The following SLC45A4 variants were observed in gnomAD, a reference collection of about 807,000 sequenced individuals.
SLC45A4 encodes the protein polyamine-transporter SLC45A4.
SLC45A4 carries 32 observed loss-of-function variants against 63.7 expected under a neutral mutation model. The ratio of observed to expected loss-of-function variants is 0.50; its 90% confidence interval spans 0.38 to 0.67. The LOEUF (loss-of-function observed/expected upper bound fraction) is 0.67. Among genes scored for constraint, SLC45A4 ranks in the 30% least tolerant of loss-of-function variants. The pLI, the probability that SLC45A4 is intolerant of heterozygous loss-of-function variation, is 0.00. For missense variants in SLC45A4, 1,027 were observed against 1,157.7 expected (o/e 0.89, Z 1.64); for synonymous variants, 535 against 510.0 (o/e 1.05, Z -0.66).
intron 2 of SLC45A4, among the ~76,000 whole-genome samples, chr8:141,223,404 T>C (rs1346611061): frequency 1.3e-5 from 2 of 152,180 alleles, no homozygotes; most frequent in Non-Finnish European, 2.9e-5. Flanking sequence ...GGAAGCCTAT[T>C]TCTCAGAAAA....
intron 1 of SLC45A4, among the ~76,000 whole-genome samples, chr8:141,305,992 G>A (rs894415375): frequency 2.6e-5 from 4 of 152,144 alleles, no homozygotes; most frequent in South Asian, 2.1e-4. Flanking sequence ...GGCAGAATCC[G>A]GTTTACAGGC....
chr8:141,277,061 G>A (rs1029545195), intron 1 of SLC45A4, among the ~76,000 whole-genome samples: 5 of 152,236 alleles, frequency 3.3e-5, no homozygotes, highest in Admixed American at 6.5e-5. Context: ...GGACACCTGC[G>A]AGCCAGGCTC....
chr8:141,265,459 A>G (rs1305818410), intron 1 of SLC45A4, among the ~76,000 whole-genome samples: 1 of 152,210 alleles, frequency 6.6e-6, no homozygotes, highest in African/African-American at 2.4e-5. Context: ...ATACCATAAA[A>G]CCAGTCCAAC....
intron 1 of SLC45A4, among the ~76,000 whole-genome samples, chr8:141,274,811 T>A (rs570266101): frequency 1.3e-5 from 2 of 152,208 alleles, no homozygotes; most frequent in African/African-American, 2.4e-5. Flanking sequence ...GGTGACACTT[T>A]TAACAGTACC....
At chr8:141,277,318 G>A (rs1329316886) in intron 1 of SLC45A4, among the ~76,000 whole-genome samples, 1 of 152,234 alleles carries the variant, frequency 6.6e-6, no homozygotes, top group Non-Finnish European at 1.5e-5. Flanking sequence ...ACCAGTTTCA[G>A]AAATGTCAAC....
intron 2 of SLC45A4, among the ~76,000 whole-genome samples, chr8:141,244,161 A>G (rs865883933): frequency 6.6e-6 from 1 of 152,094 alleles, no homozygotes; most frequent in African/African-American, 2.4e-5. Context: ...AGGTCACAGG[A>G]GGTTCTGTCT....
At chr8:141,263,831 T>G (rs1829148083) in intron 1 of SLC45A4, among the ~76,000 whole-genome samples, 1 of 147,182 alleles carries the variant, frequency 6.8e-6, no homozygotes, top group East Asian at 2.0e-4. Context: ...AGAAAATAAA[T>G]AAATTAATTA....
At chr8:141,280,308 G>A (rs1002227093) in intron 1 of SLC45A4, among the ~76,000 whole-genome samples, 9 of 152,146 alleles carry the variant, frequency 5.9e-5, no homozygotes, top group Non-Finnish European at 8.8e-5. Flanking sequence ...ATGGCCAGGC[G>A]CCTGGCAACA....
chr8:141,228,853 T>A (rs978185196), intron 2 of SLC45A4, among the ~76,000 whole-genome samples: 2 of 152,172 alleles, frequency 1.3e-5, no homozygotes, highest in African/African-American at 4.8e-5. Flanking sequence ...CATCTCTGGA[T>A]GTGCCGCTTC....
chr8:141,217,908 C>A, intron 5 of SLC45A4, 103 bp downstream of exon 5: 1 of 1,367,928 alleles, frequency 7.3e-7, no homozygotes, highest in South Asian at 1.4e-5. Flanking sequence ...CTCCCTGACA[C>A]GCGTGGGCAC....
At chr8:141,276,901 A>G (rs963508313) in intron 1 of SLC45A4, among the ~76,000 whole-genome samples, 3 of 152,096 alleles carry the variant, frequency 2.0e-5, no homozygotes, top group Admixed American at 1.3e-4. Flanking sequence ...TGAAGATATC[A>G]CGGGCACCTT....
chr8:141,303,304 G>GTTTTT (rs375645569), intron 1 of SLC45A4, among the ~76,000 whole-genome samples: 2 of 124,664 alleles, frequency 1.6e-5, no homozygotes, highest in Admixed American at 8.4e-5. Flanking sequence ...GCTAATTTTT[G>GTTTTT]TTTTTTTTTT....
intron 1 of SLC45A4, among the ~76,000 whole-genome samples, chr8:141,272,640 CGG>C (rs1829584815): frequency 6.6e-6 from 1 of 152,202 alleles, no homozygotes; most frequent in Non-Finnish European, 1.5e-5. Context: ...CCTTGCCACA[CGG>C]CACCTGCAAG....
chr8:141,240,567 GCT>G (rs1289661935), intron 2 of SLC45A4, among the ~76,000 whole-genome samples: 1 of 152,168 alleles, frequency 6.6e-6, no homozygotes, highest in African/African-American at 2.4e-5. Flanking sequence ...TCCACAACAC[GCT>G]TTTAAAAAGT....
chr8:141,262,609 A>G (rs1167435837), intron 1 of SLC45A4, among the ~76,000 whole-genome samples: 1 of 150,638 alleles, frequency 6.6e-6, no homozygotes, highest in Non-Finnish European at 1.5e-5. Context: ...AAAACACATG[A>G]AAAAATGCTC....
At chr8:141,282,709 T>G (rs1829999450) in intron 1 of SLC45A4, among the ~76,000 whole-genome samples, 2 of 152,232 alleles carry the variant, frequency 1.3e-5, no homozygotes, top group Admixed American at 6.5e-5. Context: ...GTCAACCATC[T>G]TTCCCGGGGC....
At chr8:141,269,153 T>C (rs1486766905) in intron 1 of SLC45A4, among the ~76,000 whole-genome samples, 1 of 152,240 alleles carries the variant, frequency 6.6e-6, no homozygotes, top group African/African-American at 2.4e-5. Flanking sequence ...AGCTCCAGGC[T>C]GCGCTGTCAC....
chr8:141,211,355 G>T lies in SLC45A4; in HGVS notation c.*217C>A. On this transcript the variant is annotated 3_prime_UTR_variant, in exon 9 of 9. Transcript: ENST00000517878. ...GGCGCAGACACACTCACACGCGCAC[G>T]CAGGAGCTCGTCTGGAGCTCACGCT... 1.4e-6 allele frequency: 2 copies of T among 1,423,324 alleles called. No individual in the cohort carries two copies. The highest frequency in any genetic ancestry group is 1.5e-5 in the South Asian group (1 of 66,556). 88.2% of individuals were successfully genotyped at this position (1,423,324 alleles called of 1,614,324 possible).
rs1296409053 is a variant in SLC45A4 at position 141,209,584 on chromosome 8, G to A, written c.*1988C>T. The A allele has an allele frequency of 6.6e-6, 1 of 152,276 alleles. No individual in the cohort carries two copies. The highest frequency in any genetic ancestry group is 6.5e-5 in the Admixed American group (1 of 15,292). 9.4% of individuals were successfully genotyped at this position (152,276 alleles called of 1,614,324 possible). On this transcript the variant is annotated 3_prime_UTR_variant, in exon 9 of 9. Transcript: ENST00000517878. The stretch of plus-strand genomic sequence containing the variant: ...CACACTGACCTGCACACTAAGAAGG[G>A]CTTTGCTTGCAAACACCTGAAGTGC...
Sources: gnomAD v4.1 joint callset for allele counts (sites outside exome capture counted in the v4.1 genomes callset) on GRCh38, gnomAD v4.1.1 for gene constraint, MANE v1.5 for transcripts, NCBI Gene and HGNC (gene_info 2026-07-23, HGNC 2026-07-21) for gene names.